RANBP2: variants seen among roughly 807,000 people sequenced by gnomAD.
RANBP2 encodes RAN binding protein 2.
Under a neutral mutation model 303.6 loss-of-function variants are expected in RANBP2, and 57 were observed. The observed-to-expected ratio is 0.19, with a 90% confidence interval of 0.15 to 0.23. RANBP2 has a LOEUF of 0.23. Among genes scored for constraint, RANBP2 ranks in the 10% least tolerant of loss-of-function variants. RANBP2 has a pLI of 1.00. For synonymous variants in RANBP2, 1,167 were observed against 1,301.5 expected (o/e 0.90, Z 2.23); for missense variants, 3,138 against 3,780.8 (o/e 0.83, Z 4.46).
the RANBP2 span, among the ~76,000 whole-genome samples, chr2:108,829,240 G>A: frequency 6.6e-6 from 1 of 152,184 alleles, no homozygotes; most frequent in South Asian, 2.1e-4. Context: ...TCTGACAAGC[G>A]ATTGCTACCC....
intron 1 of RANBP2, among the ~76,000 whole-genome samples, chr2:108,728,593 TTTATGATGA>T (rs1228513419): frequency 2.0e-5 from 2 of 102,366 alleles, no homozygotes; most frequent in Non-Finnish European, 4.2e-5. Flanking sequence ...ACCCAGCTTA[TTTATGATGA>T]TGATGATGAT....
At chr2:108,989,815 T>TG in the RANBP2 span, among the ~76,000 whole-genome samples, 70,799 of 150,878 alleles carry the variant, frequency 0.47, 17,734 homozygotes, top group South Asian at 0.66. Context: ...AGTAAATGAT[T>TG]GGGGGGGGGA....
the RANBP2 span, among the ~76,000 whole-genome samples, chr2:109,221,761 A>G: frequency 2.0e-5 from 3 of 152,200 alleles, no homozygotes; most frequent in Admixed American, 2.0e-4. Flanking sequence ...ATTGGTGGGA[A>G]CATAAATAAG....
chr2:109,695,853 C>A, the RANBP2 span, among the ~76,000 whole-genome samples: 1 of 152,036 alleles, frequency 6.6e-6, no homozygotes, highest in Non-Finnish European at 1.5e-5. Flanking sequence ...GTTGTTAGGC[C>A]ACAGTTTTCT....
the RANBP2 span, among the ~76,000 whole-genome samples, chr2:109,232,737 A>G: frequency 6.6e-6 from 1 of 152,220 alleles, no homozygotes; most frequent in South Asian, 2.1e-4. Context: ...CAGGAGCTCT[A>G]TGAGCTGTTT....
the RANBP2 span, among the ~76,000 whole-genome samples, chr2:108,932,528 C>CAAAAAAAAAAAAAAA: frequency 7.9e-4 from 31 of 39,156 alleles, no homozygotes; most frequent in African/African-American, 2.8e-3. Context: ...GACTCTGTCT[C>CAAAAAAAAAAAAAAA]AAAAAAAAAA....
chr2:109,695,676 C>G, the RANBP2 span, among the ~76,000 whole-genome samples: 1 of 152,186 alleles, frequency 6.6e-6, no homozygotes, highest in South Asian at 2.1e-4. Flanking sequence ...CTCAGCTTTG[C>G]TGACACCACT....
the RANBP2 span, among the ~76,000 whole-genome samples, chr2:109,600,119 A>G: frequency 1.3e-5 from 2 of 152,304 alleles, no homozygotes; most frequent in Middle Eastern, 3.4e-3. Context: ...GACTGGGCAC[A>G]GTAGGGATGT....
the RANBP2 span, among the ~76,000 whole-genome samples, chr2:109,137,166 G>A: frequency 1.3e-5 from 2 of 152,204 alleles, no homozygotes; most frequent in African/African-American, 2.4e-5. Flanking sequence ...TATCTGGCAG[G>A]AATTTCTAAT....
At chr2:109,637,321 CAGTTCCCAGGG>C in the RANBP2 span, among the ~76,000 whole-genome samples, 1 of 152,218 alleles carries the variant, frequency 6.6e-6, no homozygotes, top group African/African-American at 2.4e-5. Context: ...CCGAGACATT[CAGTTCCCAGGG>C]GCAGGCAGGA....
At chr2:109,647,249 C>T in the RANBP2 span, among the ~76,000 whole-genome samples, 2 of 150,870 alleles carry the variant, frequency 1.3e-5, no homozygotes, top group African/African-American at 2.4e-5. Context: ...CTGCAACCTC[C>T]ACCTCCTGGG....
chr2:109,242,342 T>TGGG, the RANBP2 span, among the ~76,000 whole-genome samples: 1 of 152,174 alleles, frequency 6.6e-6, no homozygotes. Context: ...CAGCTGAGTC[T>TGGG]GCTGGCTGCT....
At chr2:108,990,474 C>T in the RANBP2 span, among the ~76,000 whole-genome samples, 32 of 148,306 alleles carry the variant, frequency 2.2e-4, no homozygotes, top group Non-Finnish European at 3.7e-4. Flanking sequence ...AAAAATTAGC[C>T]GGTGGTGGCA....
the RANBP2 span, among the ~76,000 whole-genome samples, chr2:109,104,372 C>T: frequency 6.6e-6 from 1 of 152,134 alleles, no homozygotes; most frequent in East Asian, 1.9e-4. Context: ...GTCTAATCTC[C>T]CTTCCCATCG....
chr2:108,853,907 T>TAATTTA, the RANBP2 span, among the ~76,000 whole-genome samples: 24 of 121,062 alleles, frequency 2.0e-4, 1 homozygote, highest in African/African-American at 8.1e-4. Flanking sequence ...ATATTATATA[T>TAATTTA]TATATAGTAT....
the RANBP2 span, among the ~76,000 whole-genome samples, chr2:109,067,852 C>T: frequency 6.6e-6 from 1 of 152,190 alleles, no homozygotes; most frequent in Non-Finnish European, 1.5e-5. Flanking sequence ...AGCCACCCTG[C>T]CCCCTCCTCC....
the RANBP2 span, among the ~76,000 whole-genome samples, chr2:109,447,144 A>AT: frequency 7.9e-6 from 1 of 127,000 alleles, no homozygotes; most frequent in East Asian, 2.4e-4. Context: ...AGCCCTGAAT[A>AT]TTTAAAAAAA....
the RANBP2 span, among the ~76,000 whole-genome samples, chr2:109,216,769 T>A: frequency 6.6e-6 from 1 of 152,252 alleles, no homozygotes; most frequent in Non-Finnish European, 1.5e-5. Flanking sequence ...ATATATTTTT[T>A]TAAATTGTGG....
At chr2:109,116,852 C>G in the RANBP2 span, among the ~76,000 whole-genome samples, 1 of 151,184 alleles carries the variant, frequency 6.6e-6, no homozygotes, top group African/African-American at 2.4e-5. Flanking sequence ...TTTTAACAGA[C>G]AGGAACCTCA....
Sources: gnomAD v4.1 joint callset for allele counts (sites outside exome capture counted in the v4.1 genomes callset) on GRCh38, gnomAD v4.1.1 for gene constraint, MANE v1.5 for transcripts, NCBI Gene and HGNC (gene_info 2026-07-23, HGNC 2026-07-21) for gene names.